Variants in ZBTB34 observed in about 807,000 individuals in gnomAD.
The protein encoded by ZBTB34 is zinc finger and BTB domain containing 34.
In ZBTB34, 1 loss-of-function variant was observed where a neutral mutation model predicts 33.4. That is an observed-to-expected ratio of 0.03 (90% CI 0.01 to 0.14). ZBTB34 has a LOEUF of 0.14. Ranked by LOEUF, ZBTB34 falls within the 10% of genes least tolerant of loss-of-function variation. ZBTB34 has a pLI of 1.00. For missense variants in ZBTB34, 406 were observed against 657.2 expected, an observed-to-expected ratio of 0.62 and a Z score of 4.18; for synonymous variants, 283 against 253.5, an observed-to-expected ratio of 1.12 and a Z score of -1.11.
intron 1 of ZBTB34, among the ~76,000 whole-genome samples, chr9:126,869,673 G>C (rs895422651): frequency 1.3e-5 from 2 of 152,228 alleles, no homozygotes; most frequent in Non-Finnish European, 2.9e-5. Context: ...TGGGAGACCA[G>C]TGGTGGCCTT....
At chr9:126,883,970 G>A (rs1225837572) in exon 2 of ZBTB34, 1 of 167,108 alleles carries the variant, frequency 6.0e-6, no homozygotes, top group Non-Finnish European at 1.5e-5. Flanking sequence ...CTCCGCAGAC[G>A]AAGTACGCTG....
chr9:126,865,910 G>T (rs2033193940), intron 1 of ZBTB34, among the ~76,000 whole-genome samples: 1 of 152,140 alleles, frequency 6.6e-6, no homozygotes, highest in African/African-American at 2.4e-5. Flanking sequence ...ACTTGAACCT[G>T]GGTGGCGGAG....
intron 1 of ZBTB34, among the ~76,000 whole-genome samples, chr9:126,878,297 C>T (rs1272265092): frequency 6.6e-6 from 1 of 151,930 alleles, no homozygotes; most frequent in Non-Finnish European, 1.5e-5. Context: ...TGGTGAAATC[C>T]CGTCTCTTCT....
chr9:126,867,668 T>TC (rs986244849), intron 1 of ZBTB34, among the ~76,000 whole-genome samples: 3 of 152,110 alleles, frequency 2.0e-5, no homozygotes, highest in African/African-American at 7.2e-5. Context: ...AATGTATTTG[T>TC]CTTTGCCTTT....
chr9:126,883,366 G>C (rs1033517930), exon 2 of ZBTB34: 1 of 167,134 alleles, frequency 6.0e-6, no homozygotes, highest in African/African-American at 2.4e-5. Flanking sequence ...TGGTATGAGA[G>C]ACAGTGAGGA....
intron 1 of ZBTB34, among the ~76,000 whole-genome samples, chr9:126,874,956 T>G (rs2033336113): frequency 6.6e-6 from 1 of 152,252 alleles, no homozygotes; most frequent in Admixed American, 6.5e-5. Context: ...GCCTGACACT[T>G]AATACATACT....
chr9:126,876,354 CTATTAT>C (rs1401479647), intron 1 of ZBTB34, among the ~76,000 whole-genome samples: 35 of 148,386 alleles, frequency 2.4e-4, no homozygotes, highest in Non-Finnish European at 4.2e-4. Flanking sequence ...TGTTTCTAGC[CTATTAT>C]TTTTGCCTTA....
At chr9:126,872,250 C>CT (rs748830860) in intron 1 of ZBTB34, among the ~76,000 whole-genome samples, 31 of 152,282 alleles carry the variant, frequency 2.0e-4, no homozygotes, top group East Asian at 1.2e-3. Flanking sequence ...CGCGCCCGGC[C>CT]TACAAAAAAC....
chr9:126,879,701 A>C lies in ZBTB34; in HGVS notation c.302A>C (p.Lys101Thr), dbSNP rs1170941467. The stretch of plus-strand genomic sequence containing the variant: ...ACTGGAAGAATGTCCTTGCAGCTGA[A>C]GGATGTTGTCAGTTTTCTGACTGCA... Residue 101 changes from lysine to threonine, a missense_variant, in exon 2 of 2, where the codon AAG becomes ACG. By Grantham distance (78) the Lys-to-Thr change is moderately conservative. Coordinates refer to ENST00000319119, the Ensembl canonical transcript of ZBTB34. The surrounding 1 kb of genome is among the most constrained non-coding windows in gnomAD (Gnocchi z 6.4). 5.0e-6 allele frequency: 8 copies of C among 1,613,596 alleles called. No homozygotes were observed. The highest frequency in any genetic ancestry group is 6.8e-6 in the Non-Finnish European group (8 of 1,179,898).
At chr9:126,861,992 C>G (rs571010947) in intron 1 of ZBTB34, among the ~76,000 whole-genome samples, 4 of 152,334 alleles carry the variant, frequency 2.6e-5, no homozygotes, top group Admixed American at 2.6e-4. Context: ...GGCACACTTA[C>G]AGTCTCCAGG....
At chr9:126,870,396 A>G (rs1294856126) in intron 1 of ZBTB34, among the ~76,000 whole-genome samples, 1 of 152,196 alleles carries the variant, frequency 6.6e-6, no homozygotes, top group Non-Finnish European at 1.5e-5. Flanking sequence ...TTGAGTGAAT[A>G]TTTCCTATAA....
At chr9:126,885,475 C>G (rs2033509660) in exon 2 of ZBTB34, 1 of 167,042 alleles carries the variant, frequency 6.0e-6, no homozygotes, top group African/African-American at 2.4e-5. Context: ...AATGTGAAAA[C>G]CATCTCTCTC....
chr9:126,865,313 G>C (rs748216560), intron 1 of ZBTB34, among the ~76,000 whole-genome samples: 7 of 152,238 alleles, frequency 4.6e-5, no homozygotes, highest in Non-Finnish European at 7.3e-5. Flanking sequence ...CATGTACTGA[G>C]AGCCTCTCTG....
intron 1 of ZBTB34, among the ~76,000 whole-genome samples, chr9:126,868,582 G>T (rs1279194205): frequency 6.6e-6 from 1 of 152,220 alleles, no homozygotes; most frequent in African/African-American, 2.4e-5. Context: ...CTTCAGCTGT[G>T]CTCACCTTTG....
At chr9:126,861,463 G>A (rs1368986671) in intron 1 of ZBTB34, among the ~76,000 whole-genome samples, 1 of 152,172 alleles carries the variant, frequency 6.6e-6, no homozygotes, top group Non-Finnish European at 1.5e-5. Context: ...TTCCCCATGT[G>A]ATCATTGAGG....
intron 1 of ZBTB34, among the ~76,000 whole-genome samples, chr9:126,872,171 G>A (rs925325773): frequency 6.6e-6 from 1 of 151,634 alleles, no homozygotes; most frequent in Non-Finnish European, 1.5e-5. Context: ...GGCTGGTCTC[G>A]ACCTCCCAAC....
chr9:126,869,379 T>C (rs2033249156), intron 1 of ZBTB34, among the ~76,000 whole-genome samples: 1 of 152,052 alleles, frequency 6.6e-6, no homozygotes, highest in Non-Finnish European at 1.5e-5. Context: ...GGAGTCATTG[T>C]ACCTGCCTTA....
chr9:126,866,686 ATAAT>A (rs1261910945), intron 1 of ZBTB34, among the ~76,000 whole-genome samples: 2 of 152,106 alleles, frequency 1.3e-5, no homozygotes, highest in South Asian at 2.1e-4. Context: ...GCTTGATGTA[ATAAT>A]TATCCATTTG....
At chr9:126,871,750 G>T (rs537117553) in intron 1 of ZBTB34, among the ~76,000 whole-genome samples, 1 of 152,162 alleles carries the variant, frequency 6.6e-6, no homozygotes, top group South Asian at 2.1e-4. Context: ...GGGGCTGGGG[G>T]AAAGTTTTAT....
Sources: gnomAD v4.1 joint callset for allele counts (sites outside exome capture counted in the v4.1 genomes callset) on GRCh38, gnomAD v4.1.1 for gene constraint, Gnocchi (gnomAD v3.1) non-coding constraint, MANE v1.5 for transcripts, NCBI Gene and HGNC (gene_info 2026-07-23, HGNC 2026-07-21) for gene names.